The following SAMD12 variants were observed in gnomAD, a reference collection of about 807,000 sequenced individuals.
SAMD12 encodes the protein sterile alpha motif domain containing 12.
In SAMD12, 9 loss-of-function variants were observed where a neutral mutation model predicts 15.0. The observed-to-expected ratio is 0.60, with a 90% CI of 0.36 to 1.05. The LOEUF (loss-of-function observed/expected upper bound fraction) is 1.05, where lower values mean the gene tolerates loss of function less well. Ranked by LOEUF, SAMD12 falls within the 50% of genes least tolerant of loss-of-function variation. The pLI, the probability that SAMD12 is intolerant of heterozygous loss-of-function variation, is 0.01. For missense variants in SAMD12, 230 were observed against 234.2 expected, an observed-to-expected ratio of 0.98 and a Z score of 0.12; for synonymous variants, 86 against 90.1, an observed-to-expected ratio of 0.96 and a Z score of 0.25.
At chr8:118,574,233 A>G (rs369825504) in intron 2 of SAMD12, among the ~76,000 whole-genome samples, 4 of 152,214 alleles carry the variant, frequency 2.6e-5, no homozygotes, top group South Asian at 2.1e-4. Flanking sequence ...GATAAACTCA[A>G]ATGAATTTAG....
chr8:118,564,185 C>A (rs1269733474), intron 2 of SAMD12, among the ~76,000 whole-genome samples: 1 of 151,384 alleles, frequency 6.6e-6, no homozygotes, highest in Non-Finnish European at 1.5e-5. Flanking sequence ...ATTACCCATC[C>A]CCCCCTCACC....
chr8:118,384,682 A>C lies in SAMD12; in HGVS notation c.323-4982T>G, dbSNP rs183125912. Among the ~76,000 whole-genome samples the C allele has an allele frequency of 2.0e-5, 3 of 152,282 alleles. No homozygotes were observed. The East Asian group carries it at 5.8e-4, about 29-fold the overall frequency. ...AGGAAATCCTGGTAGCATTACTGCT[A>C]TTTTTTCTTTAGAGAGCACTTGGGA... is the stretch of plus-strand genomic sequence containing the variant. On this transcript the variant is annotated intron_variant, in intron 3 of 3. Coordinates refer to ENST00000314727, the MANE Select transcript of SAMD12 (RefSeq NM_207506.3).
intron 4 of SAMD12, among the ~76,000 whole-genome samples, chr8:118,287,707 T>C (rs1052398675): frequency 2.6e-5 from 4 of 151,996 alleles, no homozygotes; most frequent in African/African-American, 9.7e-5. Flanking sequence ...ATCTCGAGGG[T>C]TTTCCTTGTT....
rs148609604 is a variant in SAMD12 at position 118,428,831 on chromosome 8, C to T, written c.322+11001G>A. On this transcript the variant is annotated intron_variant, in intron 3 of 3. Coordinates refer to ENST00000314727, the MANE Select transcript of SAMD12 (RefSeq NM_207506.3). ...AGTCTTTATTCCAGTACCATATTAC[C>T]TTGGTTATTGTAATTTTATAGTAAG... Among the ~76,000 whole-genome samples, 295 of 152,050 alleles carry T rather than the reference C, an allele frequency of 1.9e-3. 3 individuals are homozygous for T. Among genetic ancestry groups the T allele is most frequent in the African/African-American group, 6.9e-3 (285 of 41,468 alleles).
intron 2 of SAMD12, among the ~76,000 whole-genome samples, chr8:118,486,965 G>T (rs532365632): frequency 2.6e-5 from 4 of 152,278 alleles, no homozygotes; most frequent in African/African-American, 9.6e-5. Flanking sequence ...GAAGTAAGGG[G>T]AATAAATATT....
chr8:118,397,823 C>T (rs1447663109), intron 3 of SAMD12, among the ~76,000 whole-genome samples: 9 of 151,988 alleles, frequency 5.9e-5, no homozygotes, highest in African/African-American at 1.2e-4. Context: ...GACTGGGTCT[C>T]GCTCTGTCAC....
At chr8:118,254,860 G>A (rs890811620) in intron 4 of SAMD12, among the ~76,000 whole-genome samples, 3 of 151,722 alleles carry the variant, frequency 2.0e-5, no homozygotes, top group African/African-American at 7.3e-5. Flanking sequence ...CTCTCTACTT[G>A]CTCACCCATT....
At chr8:118,192,168 C>T (rs1183756385) in exon 5 of SAMD12, 2 of 151,482 alleles carry the variant, frequency 1.3e-5, no homozygotes, top group Non-Finnish European at 2.9e-5. Flanking sequence ...GTAAGAGTCT[C>T]CTGTTTTGCA....
rs147140179 is a variant in SAMD12 at position 118,405,428 on chromosome 8, G to GA, written c.323-25729dup. Among the ~76,000 whole-genome samples the GA allele has an allele frequency of 9.6e-3, 1,456 of 152,150 alleles. 27 individuals are homozygous for GA. The highest frequency in any genetic ancestry group is 0.033 in the African/African-American group (1,360 of 41,516). On this transcript the variant is annotated intron_variant, in intron 3 of 3. Transcript: ENST00000314727. ...AAATCTGAAGACGAAATGTTAAGTG[G>GA]AAAAAAACCAGGTATAAAAAAAGTT...
intron 2 of SAMD12, among the ~76,000 whole-genome samples, chr8:118,546,963 A>G (rs1350138340): frequency 6.6e-6 from 1 of 152,176 alleles, no homozygotes; most frequent in Non-Finnish European, 1.5e-5. Context: ...ACTGAAAACC[A>G]TTTTTCTTTT....
intron 2 of SAMD12, among the ~76,000 whole-genome samples, chr8:118,480,715 C>T (rs1231608261): frequency 1.3e-5 from 2 of 152,138 alleles, no homozygotes; most frequent in South Asian, 2.1e-4. Context: ...CAGCTGTCTC[C>T]CTGGTTTCCC....
At chr8:118,617,324 C>T (rs1483367153) in intron 1 of SAMD12, among the ~76,000 whole-genome samples, 1 of 152,222 alleles carries the variant, frequency 6.6e-6, no homozygotes, top group Non-Finnish European at 1.5e-5. Context: ...CCCATTTTCC[C>T]AGTCACCGTT....
the SAMD12 span, among the ~76,000 whole-genome samples, chr8:118,181,073 A>T: frequency 6.6e-6 from 1 of 151,712 alleles, no homozygotes; most frequent in African/African-American, 2.4e-5. Flanking sequence ...TGTTTTAGAG[A>T]TGGGGGTCTT....
At chr8:118,279,291 G>T (rs1813551470) in intron 4 of SAMD12, among the ~76,000 whole-genome samples, 1 of 152,068 alleles carries the variant, frequency 6.6e-6, no homozygotes, top group African/African-American at 2.4e-5. Flanking sequence ...GTTTAGTTCT[G>T]CTACTTTAAA....
At chr8:118,375,365 T>C (rs1012601353), downstream of SAMD12, among the ~76,000 whole-genome samples, 2 of 152,180 alleles carry the variant, frequency 1.3e-5, no homozygotes, top group African/African-American at 4.8e-5. Context: ...ATGTAAATTA[T>C]TGTGATGGTT....
At chr8:118,425,229 T>C (rs1039615946) in intron 3 of SAMD12, among the ~76,000 whole-genome samples, 23 of 152,182 alleles carry the variant, frequency 1.5e-4, no homozygotes, top group South Asian at 8.3e-4. Context: ...TGAGCCACCG[T>C]GCCCAGCTGT....
chr8:118,272,035 T>C (rs898427886), intron 4 of SAMD12, among the ~76,000 whole-genome samples: 7 of 152,234 alleles, frequency 4.6e-5, no homozygotes, highest in Non-Finnish European at 7.3e-5. Flanking sequence ...GTGGGGACTC[T>C]GTGTGGGGGC....
chr8:118,473,102 A>G (rs1421797413), intron 2 of SAMD12, among the ~76,000 whole-genome samples: 3 of 152,162 alleles, frequency 2.0e-5, no homozygotes, highest in Non-Finnish European at 4.4e-5. Context: ...GGAGAGGCCA[A>G]GGTATGTCGC....
chr8:118,621,951 C>G lies in SAMD12; in HGVS notation c.-135G>C. ...CTCCAGGACCAACCTGCCGCGGTCA[C>G]GCAAAGCGAGGCAGCCGGCTCCCGG... On this transcript the variant is annotated 5_prime_UTR_variant, in exon 1 of 4. Coordinates refer to ENST00000314727, the MANE Select transcript of SAMD12 (RefSeq NM_207506.3). 1 of 1,124,998 alleles carries G rather than the reference C, an allele frequency of 8.9e-7. No individual in the cohort carries two copies. The highest frequency in any genetic ancestry group is 1.4e-6 in the Non-Finnish European group (1 of 739,694). The allele number at this position is 1,124,998 out of a possible 1,614,324, so 69.7% of individuals were successfully genotyped here. A position where few individuals can be genotyped will look rare whatever the true frequency, so the allele number is the denominator to read the frequency against.
Sources: gnomAD v4.1 joint callset for allele counts (sites outside exome capture counted in the v4.1 genomes callset) on GRCh38, gnomAD v4.1.1 for gene constraint, MANE v1.5 for transcripts, NCBI Gene and HGNC (gene_info 2026-07-23, HGNC 2026-07-21) for gene names.